Variants in TMBIM4 observed in about 807,000 individuals in gnomAD.
TMBIM4 encodes the protein transmembrane BAX inhibitor motif containing 4.
TMBIM4 carries 28 observed loss-of-function variants against 27.7 expected under a neutral mutation model. The observed-to-expected ratio is 1.01, with a 90% CI of 0.75 to 1.38. TMBIM4 has a LOEUF of 1.38. Among genes scored for constraint, TMBIM4 ranks in the 40% most tolerant of loss-of-function variants. The pLI is 0.00. For missense variants in TMBIM4, 265 were observed against 277.5 expected (o/e 0.95, Z 0.32); for synonymous variants, 115 against 113.1 (o/e 1.02, Z -0.11).
intron 2 of TMBIM4, among the ~76,000 whole-genome samples, chr12:66,153,131 A>G (rs2051876256): frequency 6.6e-6 from 1 of 152,108 alleles, no homozygotes; most frequent in Non-Finnish European, 1.5e-5. Flanking sequence ...ACCCTAAGAA[A>G]CTAAAGCTAA....
intron 1 of TMBIM4, among the ~76,000 whole-genome samples, chr12:66,161,926 A>C (rs992975835): frequency 2.0e-5 from 3 of 152,206 alleles, no homozygotes; most frequent in African/African-American, 7.2e-5. Flanking sequence ...AAGAGCAGCC[A>C]ACTATGCCTC....
At chr12:66,161,148 G>A (rs552565967) in intron 1 of TMBIM4, 35 of 149,984 alleles carry the variant, frequency 2.3e-4, no homozygotes, top group African/African-American at 8.2e-4. Context: ...GTAGCTTCAT[G>A]ATTTGTTGTT....
At chr12:66,169,804 C>G in intron 1 of TMBIM4, 51 bp downstream of exon 1, 1 of 1,390,026 alleles carries the variant, frequency 7.2e-7, no homozygotes, top group Non-Finnish European at 9.6e-7. Context: ...CTTCTAGAGG[C>G]CGAGCAGTGC....
intron 3 of TMBIM4, among the ~76,000 whole-genome samples, chr12:66,149,231 A>G (rs2051801918): frequency 6.6e-6 from 1 of 152,038 alleles, no homozygotes. Flanking sequence ...GCTTGAGTCC[A>G]GGAGTTTGAG....
At chr12:66,169,070 G>C (rs1405353721) in intron 1 of TMBIM4, 3 of 427,622 alleles carry the variant, frequency 7.0e-6, no homozygotes, top group Non-Finnish European at 8.3e-6. Flanking sequence ...CAAGTTCTAG[G>C]CACTAAGATT....
intron 5 of TMBIM4, among the ~76,000 whole-genome samples, chr12:66,140,297 T>G (rs996078655): frequency 1.3e-5 from 2 of 152,060 alleles, no homozygotes; most frequent in Non-Finnish European, 2.9e-5. Context: ...AGATACTATT[T>G]TTTTTCAAAA....
chr12:66,153,981 T>C (rs991726826), intron 1 of TMBIM4, among the ~76,000 whole-genome samples: 2 of 152,188 alleles, frequency 1.3e-5, no homozygotes, highest in Non-Finnish European at 2.9e-5. Flanking sequence ...GCCTCTAGTT[T>C]CTATACAATA....
At chr12:66,168,296 AG>A (rs924881308) in intron 1 of TMBIM4, among the ~76,000 whole-genome samples, 1 of 152,206 alleles carries the variant, frequency 6.6e-6, no homozygotes, top group Admixed American at 6.5e-5. Context: ...AATTGAAAAA[AG>A]CCAACCACAA....
intron 2 of TMBIM4, among the ~76,000 whole-genome samples, chr12:66,152,890 A>G (rs2051871910): frequency 6.6e-6 from 1 of 151,858 alleles, no homozygotes; most frequent in African/African-American, 2.4e-5. Context: ...CATGGAAATA[A>G]TTATGATTCA....
rs529109705 is a variant in TMBIM4, at chr12:66,158,099, G to A, written c.98-4651C>T. ...AACTTAGCTGGGCGTGGTGGCGGGC[G>A]CCTGTAGTCCCAGCTACTCGGGAGG... On this transcript the variant is annotated intron_variant, in intron 1 of 6. Transcript: ENST00000358230. Among the ~76,000 whole-genome samples, 666 of 151,828 alleles carry A rather than the reference G, an allele frequency of 4.4e-3. 8 individuals are homozygous for A. The highest frequency in any genetic ancestry group is 0.028 in the South Asian group (133 of 4,798).
intron 1 of TMBIM4, chr12:66,169,407 A>G: frequency 1.7e-6 from 1 of 574,536 alleles, no homozygotes; most frequent in South Asian, 2.1e-5. Context: ...ACAGGACGGT[A>G]AATATAAGCC....
intron 1 of TMBIM4, among the ~76,000 whole-genome samples, chr12:66,162,531 CG>C (rs1372027770): frequency 1.3e-5 from 2 of 152,050 alleles, no homozygotes; most frequent in South Asian, 4.1e-4. Context: ...GTCGAGGGGC[CG>C]GGGGAAAACT....
chr12:66,143,251 G>A (rs1410719568), intron 5 of TMBIM4, among the ~76,000 whole-genome samples: 2 of 152,140 alleles, frequency 1.3e-5, no homozygotes, highest in Non-Finnish European at 2.9e-5. Flanking sequence ...AATTTTCTGA[G>A]AATATAGATA....
chr12:66,149,598 G>A (rs375017368), intron 3 of TMBIM4, among the ~76,000 whole-genome samples: 55 of 152,070 alleles, frequency 3.6e-4, no homozygotes, highest in African/African-American at 1.3e-3. Flanking sequence ...ATAAATAAGA[G>A]TTAAGATAAG....
intron 1 of TMBIM4, chr12:66,169,607 C>G: frequency 2.2e-6 from 1 of 460,994 alleles, no homozygotes; most frequent in Non-Finnish European, 3.8e-6. Flanking sequence ...GGGGCGCACA[C>G]AGGACAGCCG....
intron 1 of TMBIM4, among the ~76,000 whole-genome samples, chr12:66,161,568 C>G (rs2052041435): frequency 6.6e-6 from 1 of 152,152 alleles, no homozygotes; most frequent in African/African-American, 2.4e-5. Flanking sequence ...GCATTTTTAA[C>G]CTTTTAAGTA....
intron 1 of TMBIM4, among the ~76,000 whole-genome samples, chr12:66,168,049 T>C (rs2052161546): frequency 6.6e-6 from 1 of 151,780 alleles, no homozygotes; most frequent in South Asian, 2.1e-4. Flanking sequence ...GAGAAACCCG[T>C]CTCTACCAAA....
Position 66,137,909 on chromosome 12 carries a change from T to C in TMBIM4, c.*51A>G. ...TGCTTCCAATTACTTTAATCCTTTT[T>C]TCTCATTAAATTTTTTTTGTTGTTC... On this transcript the variant is annotated 3_prime_UTR_variant, in exon 7 of 7. Coordinates refer to ENST00000358230, the MANE Select transcript of TMBIM4 (RefSeq NM_016056.4). 1.3e-6 allele frequency: 2 copies of C among 1,517,988 alleles called. No homozygotes were observed. Among genetic ancestry groups the C allele is most frequent in the Non-Finnish European group, 1.8e-6 (2 of 1,099,918 alleles). The allele number at this position is 1,517,988 out of a possible 1,614,324, so 94.0% of individuals were successfully genotyped here. A position where few individuals can be genotyped will look rare whatever the true frequency, so the allele number is the denominator to read the frequency against.
Position 66,153,438 on chromosome 12 carries a change from T to C in TMBIM4, c.108A>G (p.Arg36=), listed in dbSNP as rs760649008. The C allele has an allele frequency of 1.9e-6, 3 of 1,575,346 alleles. No homozygotes were observed. Among genetic ancestry groups the C allele is most frequent in the Non-Finnish European group, 2.6e-6 (3 of 1,162,184 alleles). Reference sequence around the variant, plus strand: ...GCAGAGAAAGAATGCTGTAGACTTTTCTCAGAAAGGCTAAAAGAGAAAAAA... The same window carrying C: ...GCAGAGAAAGAATGCTGTAGACTTTCCTCAGAAAGGCTAAAAGAGAAAAAA... ...ATVHIRMAFL[R]KVYSILSLQV... Residue 36 remains arginine (R), a synonymous_variant, in exon 2 of 7, where the codon AGA becomes AGG. Coordinates refer to ENST00000358230, the MANE Select transcript of TMBIM4 (RefSeq NM_016056.4).
Sources: gnomAD v4.1 joint callset for allele counts (sites outside exome capture counted in the v4.1 genomes callset) on GRCh38, gnomAD v4.1.1 for gene constraint, MANE v1.5 for transcripts, NCBI Gene and HGNC (gene_info 2026-07-23, HGNC 2026-07-21) for gene names.